SPART: variants seen among roughly 807,000 people sequenced by gnomAD.
SPART encodes the protein spartin.
A neutral mutation model predicts 58.7 loss-of-function variants in SPART; 35 were observed. That is an observed-to-expected ratio of 0.60 (90% CI 0.46 to 0.79). The LOEUF (loss-of-function observed/expected upper bound fraction) is 0.79, where lower values mean the gene tolerates loss of function less well. Among genes scored for constraint, SPART ranks in the 30% least tolerant of loss-of-function variants. SPART has a pLI of 0.00. For synonymous variants in SPART, 284 were observed against 280.7 expected, an observed-to-expected ratio of 1.01 and a Z score of -0.12; for missense variants, 730 against 786.1, an observed-to-expected ratio of 0.93 and a Z score of 0.85.
chr13:36,317,712 C>T (rs934922110), intron 5 of SPART, among the ~76,000 whole-genome samples: 1 of 151,972 alleles, frequency 6.6e-6, no homozygotes, highest in Non-Finnish European at 1.5e-5. Context: ...CAACCTTCCA[C>T]CCTCCATTCC....
chr13:36,304,120 T>C lies in SPART; in HGVS notation c.*245A>G. The C allele has an allele frequency of 1.8e-6, 1 of 553,628 alleles. No individual in the cohort carries two copies. Among genetic ancestry groups the C allele is most frequent in the African/African-American group, 1.9e-5 (1 of 52,994 alleles). The allele number at this position is 553,628 out of a possible 1,614,324, so 34.3% of individuals were successfully genotyped here. On this transcript the variant is annotated 3_prime_UTR_variant, in exon 9 of 9. Coordinates refer to ENST00000438666, the MANE Select transcript of SPART (RefSeq NM_015087.5). ...CAGCTTTATTTTACCTGCAAAAATA[T>C]TTTAGCTACACTTGGAAAAAAATAA...
intron 8 of SPART, among the ~76,000 whole-genome samples, chr13:36,307,055 C>T (rs1285670855): frequency 6.6e-6 from 1 of 152,164 alleles, no homozygotes; most frequent in Non-Finnish European, 1.5e-5. Context: ...TTCTTTTCTT[C>T]ATAAATAACT....
At chr13:36,336,789 G>A (rs1566134295) in intron 1 of SPART, among the ~76,000 whole-genome samples, 1 of 152,096 alleles carries the variant, frequency 6.6e-6, no homozygotes, top group Admixed American at 6.5e-5. Context: ...CAACCCAAAT[G>A]CTCACTCATT....
intron 4 of SPART, among the ~76,000 whole-genome samples, chr13:36,328,905 A>C (rs2137489563): frequency 6.6e-6 from 1 of 152,322 alleles, no homozygotes; most frequent in East Asian, 1.9e-4. Context: ...ATAACACAAA[A>C]CAAATAAGAA....
chr13:36,312,379 C>G lies in SPART; in HGVS notation c.1582G>C (p.Asp528His). Residue 528 changes from aspartate to histidine, a missense_variant, in exon 7 of 9, where the codon GAC (aspartate) becomes CAC (histidine). Transcript: ENST00000438666. ...SKLVPESLKK[D>H]KDGKSPLDGA... is the part of the protein sequence containing the mutation. ...TCCAGAGGAGATTTCCCATCTTTGT[C>G]TTTTTTAAGAGATTCTGGAACAAGT... 6.2e-7 allele frequency: 1 copy of G among 1,614,058 alleles called. No individual in the cohort carries two copies. Among genetic ancestry groups the G allele is most frequent in the Non-Finnish European group, 8.5e-7 (1 of 1,180,006 alleles).
chr13:36,314,539 G>C (rs1881484214), intron 5 of SPART, 118 bp from the exon 6 acceptor site: 1 of 998,998 alleles, frequency 1.0e-6, no homozygotes, highest in Non-Finnish European at 1.5e-6. Flanking sequence ...GATGCTAAAT[G>C]TGCCATGTCA....
At chr13:36,363,185 A>G (rs533660061) in intron 1 of SPART, among the ~76,000 whole-genome samples, 4 of 152,388 alleles carry the variant, frequency 2.6e-5, no homozygotes, top group Non-Finnish European at 4.4e-5. Context: ...GAACAGGATC[A>G]GTCTAAAGAT....
At chr13:36,358,203 C>T (rs1252985255) in intron 1 of SPART, among the ~76,000 whole-genome samples, 1 of 152,098 alleles carries the variant, frequency 6.6e-6, no homozygotes, top group Non-Finnish European at 1.5e-5. Flanking sequence ...AATTTTCAAA[C>T]GATTCTTCCC....
intron 1 of SPART, 23 bp from the exon 2 acceptor site, chr13:36,335,855 A>T: frequency 1.7e-5 from 27 of 1,570,802 alleles, no homozygotes; most frequent in Non-Finnish European, 2.4e-5. Context: ...AGACATATTT[A>T]ATTATCTTGC....
intron 5 of SPART, among the ~76,000 whole-genome samples, chr13:36,319,988 A>C (rs1882200343): frequency 6.6e-6 from 1 of 152,140 alleles, no homozygotes; most frequent in Non-Finnish European, 1.5e-5. Context: ...AAGCACGGTT[A>C]GCGCAGTCAG....
intron 1 of SPART, among the ~76,000 whole-genome samples, chr13:36,354,439 A>G (rs752388719): frequency 6.6e-6 from 1 of 152,172 alleles, no homozygotes; most frequent in Non-Finnish European, 1.5e-5. Flanking sequence ...CTTGATTCTG[A>G]GTTGCGGAGG....
intron 5 of SPART, among the ~76,000 whole-genome samples, chr13:36,325,555 G>A (rs1882848947): frequency 1.3e-5 from 2 of 152,084 alleles, no homozygotes; most frequent in Non-Finnish European, 2.9e-5. Flanking sequence ...ATGGGGTTAT[G>A]AATTTGACAC....
rs1883834587 is a variant in SPART at position 36,335,067 on chromosome 13, T to G, written c.764A>C (p.Asp255Ala). 6.2e-7 allele frequency: 1 copy of G among 1,614,116 alleles called. No homozygotes were observed. The highest frequency in any genetic ancestry group is 1.3e-5 in the African/African-American group (1 of 75,036). ...PGYLRIVRFL[D>A]NSLDTVLNRP... ...GTTTAGAACCGTATCGAGAGAATTA[T>G]CCAAAAACCTCACAATTCGAAGGTA... The change falls in exon 2 of 9, where the codon GAT becomes GCT. Residue 255 changes from aspartate (D) to alanine (A), a missense_variant. Physicochemically the swap from Asp to Ala is moderately radical, Grantham distance 126. Transcript: ENST00000438666.
intron 5 of SPART, 108 bp downstream of exon 5, chr13:36,326,467 C>A (rs1278225898): frequency 8.4e-6 from 12 of 1,425,922 alleles, no homozygotes; most frequent in South Asian, 1.2e-5. Flanking sequence ...CATTTAAAAC[C>A]AAAATACAAA....
At chr13:36,310,956 A>C (rs1019783219) in intron 8 of SPART, among the ~76,000 whole-genome samples, 2 of 152,034 alleles carry the variant, frequency 1.3e-5, no homozygotes, top group African/African-American at 4.8e-5. Flanking sequence ...GTCTGTGAGT[A>C]ATAAAAAGTT....
chr13:36,340,839 G>A (rs544537951), intron 1 of SPART, among the ~76,000 whole-genome samples: 3 of 152,254 alleles, frequency 2.0e-5, no homozygotes, highest in African/African-American at 7.2e-5. Flanking sequence ...AAAAACTAAG[G>A]ATTAACTCTA....
At chr13:36,338,010 T>A (rs936491756) in intron 1 of SPART, among the ~76,000 whole-genome samples, 1 of 152,166 alleles carries the variant, frequency 6.6e-6, no homozygotes, top group Admixed American at 6.6e-5. Context: ...ACTGCAAAAC[T>A]TATGGTCAAA....
intron 4 of SPART, among the ~76,000 whole-genome samples, chr13:36,328,909 A>G (rs1883197313): frequency 6.6e-6 from 1 of 152,172 alleles, no homozygotes; most frequent in Non-Finnish European, 1.5e-5. Flanking sequence ...CACAAAACAA[A>G]TAAGAAAGTA....
At chr13:36,348,149 G>T (rs547301959), upstream of SPART, among the ~76,000 whole-genome samples, 117 of 152,186 alleles carry the variant, frequency 7.7e-4, 1 homozygote, top group African/African-American at 2.5e-3. Context: ...AGCTGGGCAT[G>T]GTGGTACACA....
Sources: allele counts gnomAD v4.1 joint callset (sites outside exome capture counted in the v4.1 genomes callset), GRCh38; gene constraint gnomAD v4.1.1; transcripts MANE v1.5; gene names NCBI Gene and HGNC (gene_info 2026-07-23, HGNC 2026-07-21).